CUL5: variants seen among roughly 807,000 people sequenced by gnomAD.
The protein encoded by CUL5 is cullin 5.
A neutral mutation model predicts 108.8 loss-of-function variants in CUL5; 26 were observed. That is an observed-to-expected ratio of 0.24 (90% CI 0.18 to 0.33). CUL5 has a LOEUF of 0.33. Ranked by LOEUF, CUL5 falls within the 10% of genes least tolerant of loss-of-function variation. The pLI is 1.00. For synonymous variants in CUL5, 334 were observed against 298.0 expected (o/e 1.12, Z -1.25); for missense variants, 524 against 909.2 (o/e 0.58, Z 5.45).
rs1247817974 is a variant in CUL5 at position 108,104,327 on chromosome 11, G to A, written c.2286G>A (p.Glu762=). ...AAGAGCAAATAGAGTGGCTAATAGA[G>A]CACAAATACATCAGAAGAGATGAAT... is the stretch of plus-strand genomic sequence containing the variant. ...MIKEQIEWLI[E]HKYIRRDESD... is the part of the protein sequence containing the mutation. Residue 762 remains glutamate (E), a synonymous_variant, in exon 19 of 19, where the codon GAG becomes GAA. Coordinates refer to ENST00000393094, the MANE Select transcript of CUL5 (RefSeq NM_003478.6). 1 of 1,600,116 alleles carries A rather than the reference G, an allele frequency of 6.2e-7. No homozygotes were observed. The highest frequency in any genetic ancestry group is 8.5e-7 in the Non-Finnish European group (1 of 1,175,872).
intron 7 of CUL5, among the ~76,000 whole-genome samples, chr11:108,061,450 T>C (rs1863530859): frequency 6.6e-6 from 1 of 152,198 alleles, no homozygotes; most frequent in Non-Finnish European, 1.5e-5. Context: ...ACCATAATTG[T>C]TCTCTTCATT....
chr11:108,067,756 T>C (rs149092145), intron 7 of CUL5, among the ~76,000 whole-genome samples: 4 of 152,316 alleles, frequency 2.6e-5, no homozygotes, highest in African/African-American at 9.6e-5. Context: ...TATATATTGT[T>C]AGATTTACCT....
At position 108,048,118 on chromosome 11, in the gene CUL5, A is replaced by AT. The variant is rs199857275; in HGVS notation, c.235-1757dup. On this transcript the variant is annotated intron_variant, in intron 3 of 18. Coordinates refer to ENST00000393094, the MANE Select transcript of CUL5 (RefSeq NM_003478.6). ...AAAAAGATTTTTAAACGCTTAAGAAATTTTTTTTTTTTTTTCATGAATCAT... is the reference window on the plus strand; with the variant it reads ...AAAAAGATTTTTAAACGCTTAAGAAATTTTTTTTTTTTTTTTCATGAATCAT... Among the ~76,000 whole-genome samples the AT allele has an allele frequency of 9.0e-3, 1,306 of 144,624 alleles. 7 individuals are homozygous for AT. The highest frequency in any genetic ancestry group is 0.016 in the East Asian group (80 of 5,004). 94.9% of individuals were successfully genotyped at this position (144,624 alleles called of 152,430 possible).
chr11:108,099,473 A>G (rs1215029368), intron 18 of CUL5, among the ~76,000 whole-genome samples: 1 of 152,198 alleles, frequency 6.6e-6, no homozygotes, highest in East Asian at 1.9e-4. Flanking sequence ...ATACATACAC[A>G]TTTTTTAAAA....
chr11:108,056,541 A>G (rs1014307813), intron 7 of CUL5, among the ~76,000 whole-genome samples: 1 of 152,118 alleles, frequency 6.6e-6, no homozygotes, highest in African/African-American at 2.4e-5. Context: ...AAGGAAGGAT[A>G]ATTTAGTGGT....
chr11:108,091,814 A>G (rs1040765048), intron 13 of CUL5, among the ~76,000 whole-genome samples: 1 of 152,016 alleles, frequency 6.6e-6, no homozygotes, highest in African/African-American at 2.4e-5. Context: ...AGTGCATGCA[A>G]AGATACTCAA....
intron 7 of CUL5, among the ~76,000 whole-genome samples, chr11:108,056,338 T>A (rs1171206426): frequency 1.3e-5 from 2 of 152,158 alleles, no homozygotes; most frequent in Non-Finnish European, 2.9e-5. Context: ...GAATGGGATT[T>A]AAAATTTTTT....
At chr11:108,095,759 G>A (rs1864474909) in intron 16 of CUL5, 68 bp downstream of exon 16, 3 of 1,305,854 alleles carry the variant, frequency 2.3e-6, no homozygotes, top group South Asian at 2.7e-5. Context: ...TGATTGGCTT[G>A]TAATATATTA....
intron 7 of CUL5, among the ~76,000 whole-genome samples, chr11:108,057,583 T>G (rs1285181826): frequency 6.6e-6 from 1 of 152,168 alleles, no homozygotes; most frequent in African/African-American, 2.4e-5. Context: ...CAATCGCAAA[T>G]TGATAGCCTA....
At chr11:108,063,701 C>G (rs934746710) in intron 7 of CUL5, among the ~76,000 whole-genome samples, 1 of 151,494 alleles carries the variant, frequency 6.6e-6, no homozygotes, top group East Asian at 2.0e-4. Flanking sequence ...GGAAGTGCAT[C>G]TATCTCTTCC....
Position 108,082,140 on chromosome 11 carries a change from A to G in CUL5, c.1178+3900A>G, listed in dbSNP as rs867148629. Among the ~76,000 whole-genome samples the G allele has an allele frequency of 3.3e-5, 5 of 152,132 alleles. No homozygotes were observed. In the South Asian group the frequency reaches 8.3e-4, roughly 25 times the overall value. On this transcript the variant is annotated intron_variant, in intron 11 of 18. Coordinates refer to ENST00000393094, the MANE Select transcript of CUL5 (RefSeq NM_003478.6). ...AGCTTTCAGTGTACAAGTCTTCCAC[A>G]TTCTTGGTTAAATTTATTCCTTGGT...
rs568011604 is a variant in CUL5 at position 108,030,707 on chromosome 11, T to C, written c.25-3095T>C. 2.0e-5 allele frequency among the ~76,000 whole-genome samples: 3 copies of C among 152,300 alleles called. No individual in the cohort carries two copies. In the East Asian group the frequency reaches 5.8e-4, roughly 29 times the overall value. ...CTGGAGCAAGACAGTATATTAACTT[T>C]TAGGATGAACTATGTTCGTGAATAT... On this transcript the variant is annotated intron_variant, in intron 1 of 18. Coordinates refer to ENST00000393094, the MANE Select transcript of CUL5 (RefSeq NM_003478.6).
At position 108,009,252 on chromosome 11, in the gene CUL5, G is replaced by GC; in HGVS notation, c.-94dup. The GC allele has an allele frequency of 7.2e-7, 1 of 1,384,060 alleles. No homozygotes were observed. Among genetic ancestry groups the GC allele is most frequent in the South Asian group, 1.2e-5 (1 of 83,904 alleles). The allele number at this position is 1,384,060 out of a possible 1,614,324, so 85.7% of individuals were successfully genotyped here. A position where few individuals can be genotyped will look rare whatever the true frequency, so the allele number is the denominator to read the frequency against. Reference sequence around the variant, plus strand: ...ACCACACCCTGGTGCGGGCCGACGGGCCCTGGGCCCTGGTGGGAGCTCCGG... The same window carrying GC: ...ACCACACCCTGGTGCGGGCCGACGGGCCCCTGGGCCCTGGTGGGAGCTCCGG... On this transcript the variant is annotated 5_prime_UTR_variant, in exon 1 of 19. It introduces an in-frame stop codon into an upstream open reading frame of the 5' UTR. Transcript: ENST00000393094.
intron 1 of CUL5, among the ~76,000 whole-genome samples, chr11:108,015,122 C>G (rs1862149130): frequency 6.6e-6 from 1 of 152,128 alleles, no homozygotes; most frequent in African/African-American, 2.4e-5. Flanking sequence ...TAGTGTTGAA[C>G]TCCTGACCTT....
At chr11:108,075,828 C>T (rs1863928977) in intron 10 of CUL5, among the ~76,000 whole-genome samples, 1 of 152,138 alleles carries the variant, frequency 6.6e-6, no homozygotes, top group African/African-American at 2.4e-5. Flanking sequence ...CCCCCTTTCC[C>T]TTTAAATCAT....
intron 1 of CUL5, among the ~76,000 whole-genome samples, chr11:108,021,826 T>G (rs1391512864): frequency 1.3e-5 from 2 of 151,836 alleles, no homozygotes; most frequent in Non-Finnish European, 2.9e-5. Context: ...TATTTATTTA[T>G]TTTTCAGAGA....
intron 2 of CUL5, among the ~76,000 whole-genome samples, chr11:108,042,727 G>T (rs1399900219): frequency 6.6e-6 from 1 of 151,822 alleles, no homozygotes; most frequent in Admixed American, 6.6e-5. Flanking sequence ...GCATAAAATA[G>T]TTGTAAACAT....
intron 2 of CUL5, among the ~76,000 whole-genome samples, chr11:108,039,615 C>A (rs1317702695): frequency 6.6e-6 from 1 of 152,206 alleles, no homozygotes; most frequent in Admixed American, 6.5e-5. Flanking sequence ...GCTCTGTACC[C>A]ATTAAACAAT....
At chr11:108,076,900 A>C (rs1863953883) in intron 10 of CUL5, among the ~76,000 whole-genome samples, 1 of 152,234 alleles carries the variant, frequency 6.6e-6, no homozygotes, top group Admixed American at 6.5e-5. Flanking sequence ...TAAGAGAAAT[A>C]GTTTTTGGAG....
Sources: allele counts gnomAD v4.1 joint callset (sites outside exome capture counted in the v4.1 genomes callset), GRCh38; gene constraint gnomAD v4.1.1; transcripts MANE v1.5; gene names NCBI Gene and HGNC (gene_info 2026-07-23, HGNC 2026-07-21).